LARS1: variants seen among roughly 807,000 people sequenced by gnomAD.
LARS1 encodes leucyl-tRNA synthetase 1.
A neutral mutation model predicts 162.8 loss-of-function variants in LARS1; 100 were observed. That is an observed-to-expected ratio of 0.61 (90% CI 0.52 to 0.73). The LOEUF (loss-of-function observed/expected upper bound fraction) is 0.73, where lower values mean the gene tolerates loss of function less well. Among genes scored for constraint, LARS1 ranks in the 30% least tolerant of loss-of-function variants. The probability of loss-of-function intolerance (pLI) is 0.00; values close to 1 mark genes in which losing one functional copy is unlikely to be tolerated. For synonymous variants in LARS1, 457 were observed against 462.8 expected, an observed-to-expected ratio of 0.99 and a Z score of 0.16; for missense variants, 1,258 against 1,408.9, an observed-to-expected ratio of 0.89 and a Z score of 1.71.
In LARS1 at chr5:146,124,061, C is replaced by T. The variant is rs986551702; in HGVS notation, c.3017G>A (p.Arg1006His). 8.1e-6 allele frequency: 13 copies of T among 1,609,128 alleles called. No individual in the cohort carries two copies. In the African/African-American group the frequency reaches 9.4e-5, roughly 12 times the overall value. ...IKENLEKMGPRILDLQLEFDE... is the reference protein window; with the variant it reads ...IKENLEKMGPHILDLQLEFDE... Reference sequence around the variant, plus strand: ...AAATTCTAATTGCAAATCCAGAATACGAGGCCCCATCTTCTCCAGATTTTC... The same window carrying T: ...AAATTCTAATTGCAAATCCAGAATATGAGGCCCCATCTTCTCCAGATTTTC... The change falls in exon 29 of 32, where the codon CGT becomes CAT. Residue 1006 changes from arginine (R) to histidine (H), a missense_variant. Arg to His is a conservative substitution (Grantham distance 29, BLOSUM62 0). Transcript: ENST00000394434.
At chr5:146,178,311 A>C (rs566153379) in intron 1 of LARS1, among the ~76,000 whole-genome samples, 1 of 152,190 alleles carries the variant, frequency 6.6e-6, no homozygotes, top group East Asian at 1.9e-4. Context: ...AGAACTGTTC[A>C]TATGAAATTT....
intron 30 of LARS1, among the ~76,000 whole-genome samples, chr5:146,122,287 A>G (rs1561796051): frequency 6.6e-6 from 1 of 152,132 alleles, no homozygotes; most frequent in Non-Finnish European, 1.5e-5. Flanking sequence ...ACTGAGGAAA[A>G]GGTAAGTATT....
intron 5 of LARS1, 104 bp downstream of exon 5, chr5:146,168,024 C>A: frequency 1.0e-6 from 1 of 975,620 alleles, no homozygotes; most frequent in Non-Finnish European, 1.5e-6. Flanking sequence ...AAAAAATGAT[C>A]TAGTACATTT....
chr5:146,137,644 T>C (rs1752572001), intron 21 of LARS1: 1 of 182,222 alleles, frequency 5.5e-6, no homozygotes, highest in Non-Finnish European at 1.1e-5. Flanking sequence ...CCAGTCACAG[T>C]ATAAAACAAA....
chr5:146,174,063 C>A (rs1178103095), intron 2 of LARS1, among the ~76,000 whole-genome samples: 1 of 145,414 alleles, frequency 6.9e-6, no homozygotes, highest in African/African-American at 2.5e-5. Flanking sequence ...GTTAACCAAA[C>A]CTCTAGAAGA....
At chr5:146,115,352 G>T (rs1398166710) in intron 31 of LARS1, among the ~76,000 whole-genome samples, 1 of 151,802 alleles carries the variant, frequency 6.6e-6, no homozygotes, top group Admixed American at 6.6e-5. Context: ...AGATACTTTT[G>T]GATAAATAAT....
At chr5:146,118,095 T>C (rs1206941694) in intron 31 of LARS1, among the ~76,000 whole-genome samples, 1 of 152,164 alleles carries the variant, frequency 6.6e-6, no homozygotes, top group Admixed American at 6.5e-5. Flanking sequence ...CTATTCACAA[T>C]AGCCAAGATA....
chr5:146,171,604 G>A (rs1344551496), intron 4 of LARS1, among the ~76,000 whole-genome samples: 2 of 152,036 alleles, frequency 1.3e-5, no homozygotes, highest in East Asian at 3.9e-4. Context: ...AGTGCACAAT[G>A]GCTGTACATT....
At chr5:146,169,651 C>T (rs767282974) in intron 4 of LARS1, among the ~76,000 whole-genome samples, 1 of 151,758 alleles carries the variant, frequency 6.6e-6, no homozygotes, top group Non-Finnish European at 1.5e-5. Context: ...CGGGTTCAAG[C>T]GATTCTCCTG....
At chr5:146,117,802 G>T (rs991096661) in intron 31 of LARS1, among the ~76,000 whole-genome samples, 2 of 152,104 alleles carry the variant, frequency 1.3e-5, no homozygotes, top group African/African-American at 4.8e-5. Context: ...AAGATATTTT[G>T]CTAAGTGAAA....
intron 17 of LARS1, 47 bp from the exon 18 acceptor site, chr5:146,144,396 T>G: frequency 6.3e-7 from 1 of 1,596,490 alleles, no homozygotes; most frequent in Non-Finnish European, 8.5e-7. Context: ...GTTCACTTTT[T>G]TTGTTGCATT....
At chr5:146,164,608 G>A (rs1753919035) in intron 5 of LARS1, 137 bp from the exon 6 acceptor site, 1 of 838,604 alleles carries the variant, frequency 1.2e-6, no homozygotes, top group Non-Finnish European at 1.9e-6. Context: ...GGAATTAGTT[G>A]TACTATTAGT....
intron 30 of LARS1, among the ~76,000 whole-genome samples, chr5:146,120,925 G>A (rs1581003779): frequency 6.6e-6 from 1 of 152,160 alleles, no homozygotes; most frequent in Non-Finnish European, 1.5e-5. Context: ...CAGCTAGTAA[G>A]TGGCAAGGTC....
At chr5:146,139,345 CAAA>C (rs977056105) in intron 21 of LARS1, among the ~76,000 whole-genome samples, 1 of 79,326 alleles carries the variant, frequency 1.3e-5, no homozygotes, top group African/African-American at 5.5e-5. Flanking sequence ...TCCATCACAA[CAAA>C]AAAAAAAAAA....
chr5:146,143,041 T>G lies in LARS1; in HGVS notation c.1921A>C (p.Lys641Gln). ...TGAGTCTTAGGAAATGGAGCCTCCT[T>G]GAAGAAAACATAATCCCAAACTTCC... ...TKEVWDYVFF[K>Q]EAPFPKTQIA... The change falls in exon 20 of 32, where the codon AAG becomes CAG. Residue 641 changes from lysine to glutamine, a missense_variant. Coordinates refer to ENST00000394434, the MANE Select transcript of LARS1 (RefSeq NM_020117.11). 6.2e-7 allele frequency: 1 copy of G among 1,613,886 alleles called. No individual in the cohort carries two copies. The highest frequency in any genetic ancestry group is 8.5e-7 in the Non-Finnish European group (1 of 1,179,904).
chr5:146,167,193 T>C (rs1233149340), intron 5 of LARS1, among the ~76,000 whole-genome samples: 2 of 152,140 alleles, frequency 1.3e-5, no homozygotes, highest in African/African-American at 2.4e-5. Flanking sequence ...GGATTGGACA[T>C]TGGAAGAGAA....
intron 2 of LARS1, among the ~76,000 whole-genome samples, chr5:146,173,268 C>G (rs1460465185): frequency 6.6e-6 from 1 of 151,624 alleles, no homozygotes; most frequent in Admixed American, 6.6e-5. Context: ...ATCGCCTGAT[C>G]ATTGAACCTG....
At chr5:146,177,039 A>G (rs976445358) in intron 2 of LARS1, among the ~76,000 whole-genome samples, 2 of 152,188 alleles carry the variant, frequency 1.3e-5, no homozygotes, top group Non-Finnish European at 2.9e-5. Context: ...CAAACCCCAT[A>G]AGAAAAAAGA....
At chr5:146,150,942 GACACACACACACACACACAC>G (rs3995492) in intron 14 of LARS1, among the ~76,000 whole-genome samples, 1 of 134,808 alleles carries the variant, frequency 7.4e-6, no homozygotes, top group Non-Finnish European at 1.6e-5. Context: ...CCGTCAGATA[GACACACACACACACACACAC>G]ACACACACAC....
Sources: gnomAD v4.1 joint callset for allele counts (sites outside exome capture counted in the v4.1 genomes callset) on GRCh38, gnomAD v4.1.1 for gene constraint, MANE v1.5 for transcripts, NCBI Gene and HGNC (gene_info 2026-07-23, HGNC 2026-07-21) for gene names.